FER: variants seen among roughly 807,000 people sequenced by gnomAD.
FER encodes FER tyrosine kinase, also known as tyrosine-protein kinase Fer.
Under a neutral mutation model 111.0 loss-of-function variants are expected in FER, and 63 were observed. The observed-to-expected ratio is 0.57, with a 90% CI of 0.46 to 0.70. The LOEUF is 0.70. Ranked by LOEUF, FER falls within the 30% of genes least tolerant of loss-of-function variation. The probability of loss-of-function intolerance (pLI) is 0.00; values close to 1 mark genes in which losing one functional copy is unlikely to be tolerated. For missense variants in FER, 914 were observed against 954.0 expected (o/e 0.96, Z 0.55); for synonymous variants, 327 against 313.9 (o/e 1.04, Z -0.44).
At chr5:109,039,884 C>T (rs369302535) in intron 14 of FER, among the ~76,000 whole-genome samples, 25 of 151,820 alleles carry the variant, frequency 1.6e-4, no homozygotes, top group African/African-American at 2.4e-4. Flanking sequence ...AAAGTTACTC[C>T]GGGAGTTGTG....
At chr5:109,093,035 T>C (rs1323705787) in intron 16 of FER, among the ~76,000 whole-genome samples, 1 of 152,174 alleles carries the variant, frequency 6.6e-6, no homozygotes, top group Non-Finnish European at 1.5e-5. Flanking sequence ...ATTCCACTTA[T>C]ATGGGATATC....
intron 16 of FER, among the ~76,000 whole-genome samples, chr5:109,093,674 T>C (rs1747111905): frequency 6.6e-6 from 1 of 152,190 alleles, no homozygotes; most frequent in Non-Finnish European, 1.5e-5. Context: ...TTTACCCTTT[T>C]TAAATTTAAA....
intron 5 of FER, among the ~76,000 whole-genome samples, chr5:108,853,511 A>G (rs1762722133): frequency 6.6e-6 from 1 of 152,256 alleles, no homozygotes; most frequent in African/African-American, 2.4e-5. Flanking sequence ...AGAAAGAAAC[A>G]TTTAAATAAA....
intron 17 of FER, among the ~76,000 whole-genome samples, chr5:109,131,259 G>A (rs1490526819): frequency 3.9e-5 from 6 of 152,068 alleles, no homozygotes; most frequent in Non-Finnish European, 8.8e-5. Context: ...TTAAGCCATC[G>A]AATATGGCTG....
Position 108,835,780 on chromosome 5 carries a change from G to T in FER, c.454G>T (p.Glu152Ter). 6.4e-7 allele frequency: 1 copy of T among 1,558,956 alleles called. No homozygotes were observed. The highest frequency in any genetic ancestry group is 1.2e-5 in the South Asian group (1 of 81,850). The stretch of plus-strand genomic sequence containing the variant: ...AATAAAAGAAATGAATTCTGCCAAA[G>T]AGAAATATAAAGAAGCTTTAGCTAA... ...QLIKEMNSAK[E>*]KYKEALAKGK... Residue 152 changes from glutamate to a stop codon, truncating the protein, a stop_gained, in exon 5 of 20, where the codon GAG becomes TAG. Coordinates refer to ENST00000281092, the MANE Select transcript of FER (RefSeq NM_005246.4). LOFTEE classifies it high-confidence loss of function.
chr5:108,899,740 G>C (rs1001346557), intron 10 of FER, among the ~76,000 whole-genome samples: 2 of 151,436 alleles, frequency 1.3e-5, no homozygotes, highest in Admixed American at 1.3e-4. Context: ...GGAGGTGGAG[G>C]TTGCAGTGAG....
chr5:109,146,520 A>T (rs992161262), intron 17 of FER, among the ~76,000 whole-genome samples: 19 of 151,582 alleles, frequency 1.3e-4, no homozygotes, highest in African/African-American at 4.4e-4. Context: ...TTATTATTAT[A>T]ATTGTTTTAG....
At chr5:108,968,108 G>A (rs1053503550) in intron 13 of FER, among the ~76,000 whole-genome samples, 1 of 152,212 alleles carries the variant, frequency 6.6e-6, no homozygotes, top group Non-Finnish European at 1.5e-5. Context: ...GCTAAAAGTG[G>A]CCGGGCACAG....
At chr5:108,902,712 T>G (rs1166323443) in intron 10 of FER, among the ~76,000 whole-genome samples, 1 of 152,150 alleles carries the variant, frequency 6.6e-6, no homozygotes, top group Non-Finnish European at 1.5e-5. Context: ...CTAATAATTC[T>G]GAAGAATTTT....
intron 17 of FER, among the ~76,000 whole-genome samples, chr5:109,146,203 A>G (rs1754094419): frequency 2.4e-5 from 3 of 123,992 alleles, no homozygotes; most frequent in Admixed American, 8.2e-5. Flanking sequence ...TATATAATCT[A>G]TCTATTTTAT....
chr5:108,967,331 C>G (rs1759994370), intron 13 of FER, among the ~76,000 whole-genome samples: 1 of 152,146 alleles, frequency 6.6e-6, no homozygotes, highest in Non-Finnish European at 1.5e-5. Context: ...CCTGAGTCAG[C>G]TGGTTTCTCT....
At chr5:109,097,649 A>G (rs529553673) in intron 16 of FER, among the ~76,000 whole-genome samples, 3 of 152,080 alleles carry the variant, frequency 2.0e-5, no homozygotes, top group Admixed American at 2.0e-4. Context: ...AGACTATGTC[A>G]TCTGATATCA....
At chr5:109,184,286 C>T (rs1758617912) in intron 18 of FER, among the ~76,000 whole-genome samples, 1 of 152,132 alleles carries the variant, frequency 6.6e-6, no homozygotes, top group African/African-American at 2.4e-5. Context: ...GAGCAGGTTT[C>T]CCATGCCATT....
chr5:109,064,269 A>G (rs1051949676), intron 16 of FER, among the ~76,000 whole-genome samples: 2 of 152,122 alleles, frequency 1.3e-5, no homozygotes, highest in African/African-American at 4.8e-5. Flanking sequence ...CATGTGTGGT[A>G]TTGACCTTTT....
In FER at chr5:109,174,259, G is replaced by A. The variant is rs1757453223; in HGVS notation, c.2049-6488G>A. Among the ~76,000 whole-genome samples, 5 of 152,048 alleles carry A rather than the reference G, an allele frequency of 3.3e-5. No individual in the cohort carries two copies. In the South Asian group the frequency reaches 1.0e-3, roughly 32 times the overall value. ...CAGTGCACTGAAATGAGAAATGTAG[G>A]GAGATTCCATATTTATGTATTCTGT... On this transcript the variant is annotated intron_variant, in intron 17 of 19. Transcript: ENST00000281092.
chr5:109,055,868 C>T (rs1233041537), intron 16 of FER, among the ~76,000 whole-genome samples: 1 of 138,684 alleles, frequency 7.2e-6, no homozygotes, highest in African/African-American at 2.7e-5. Flanking sequence ...AAAAAAAAAC[C>T]CAAAAAACAA....
intron 10 of FER, among the ~76,000 whole-genome samples, chr5:108,906,721 C>G (rs1055538556): frequency 3.3e-5 from 5 of 151,812 alleles, no homozygotes; most frequent in South Asian, 2.1e-4. Context: ...AAAAAAATCC[C>G]TAAGTACAAT....
At chr5:108,855,140 A>G (rs1762874593) in intron 5 of FER, among the ~76,000 whole-genome samples, 1 of 152,088 alleles carries the variant, frequency 6.6e-6, no homozygotes, top group East Asian at 1.9e-4. Flanking sequence ...CTCAAGTGGA[A>G]CTGTTGAATT....
At chr5:109,082,840 C>A (rs1368351789) in intron 16 of FER, among the ~76,000 whole-genome samples, 1 of 151,904 alleles carries the variant, frequency 6.6e-6, no homozygotes, top group Non-Finnish European at 1.5e-5. Context: ...AATTCTTTAT[C>A]CAAGATGAGA....
Sources: allele counts gnomAD v4.1 joint callset (sites outside exome capture counted in the v4.1 genomes callset), GRCh38; gene constraint gnomAD v4.1.1; transcripts MANE v1.5; gene names NCBI Gene and HGNC (gene_info 2026-07-23, HGNC 2026-07-21).